GRIN2D: variants seen among roughly 807,000 people sequenced by gnomAD.
GRIN2D encodes glutamate ionotropic receptor NMDA type subunit 2D.
GRIN2D carries 37 observed loss-of-function variants against 103.2 expected under a neutral mutation model. The observed-to-expected ratio is 0.36, with a 90% CI of 0.28 to 0.47. GRIN2D has a LOEUF of 0.47. Ranked by LOEUF, GRIN2D falls within the 20% of genes least tolerant of loss-of-function variation. The pLI is 1.00. For synonymous variants in GRIN2D, 845 were observed against 885.6 expected, an observed-to-expected ratio of 0.95 and a Z score of 0.81; for missense variants, 1,557 against 1,910.6, an observed-to-expected ratio of 0.81 and a Z score of 3.45.
In GRIN2D at chr19:48,404,742, C is replaced by T. The variant is rs1433226931; in HGVS notation, c.474C>T (p.Gly158=). ...TCCTCCCTCCCTGGCAGGAGAAGGG[C>T]TCCACCTTCCTGCAGCTGGGCTCTT... ...AALVLTPKEK[G]STFLQLGSST... is the part of the protein sequence containing the mutation. The change falls in exon 4 of 14, where the codon GGC becomes GGT. Residue 158 remains glycine (G), a synonymous_variant. Transcript: ENST00000263269. The T allele has an allele frequency of 1.1e-5, 18 of 1,600,560 alleles. No homozygotes were observed. The highest frequency in any genetic ancestry group is 1.5e-5 in the Non-Finnish European group (18 of 1,172,046).
intron 11 of GRIN2D, among the ~76,000 whole-genome samples, chr19:48,427,569 T>C (rs551214037): frequency 4.5e-5 from 6 of 132,632 alleles, no homozygotes; most frequent in Non-Finnish European, 9.4e-5. Flanking sequence ...AACCTCCGCC[T>C]CCTGGGTTCA....
At chr19:48,422,752 G>C (rs894650137) in intron 11 of GRIN2D, among the ~76,000 whole-genome samples, 1 of 152,130 alleles carries the variant, frequency 6.6e-6, no homozygotes. Context: ...TGCTTAGATT[G>C]TGTTTCTTAT....
chr19:48,404,593 G>C, intron 3 of GRIN2D, 141 bp from the exon 4 acceptor site: 1 of 752,792 alleles, frequency 1.3e-6, no homozygotes, highest in South Asian at 1.8e-5. Context: ...ATCTAGCCCT[G>C]TGCCCCAGGA....
chr19:48,418,011 C>CTG (rs1242301218), intron 8 of GRIN2D, among the ~76,000 whole-genome samples: 2 of 150,306 alleles, frequency 1.3e-5, no homozygotes, highest in Non-Finnish European at 3.0e-5. Flanking sequence ...GAGGGTGTCG[C>CTG]TGATTCAGGC....
Position 48,421,653 on chromosome 19 carries a change from C to A in GRIN2D, c.2092-132C>A, listed in dbSNP as rs138030001. ...GAAAAGCATTCCCTAATGTAGTGAG[C>A]GAGTGTTGAGAAATATTGAACACTC... is the stretch of plus-strand genomic sequence containing the variant. On this transcript the variant is annotated intron_variant, in intron 10 of 13. Coordinates refer to ENST00000263269, the MANE Select transcript of GRIN2D (RefSeq NM_000836.4). The surrounding 1 kb of genome is among the most constrained non-coding windows in gnomAD (Gnocchi z 4.8). 0.015 allele frequency: 10,324 copies of A among 698,904 alleles called. 97 individuals are homozygous for A. Among genetic ancestry groups the A allele is most frequent in the Middle Eastern group, 0.026 (76 of 2,902 alleles). The allele number at this position is 698,904 out of a possible 1,614,324, so 43.3% of individuals were successfully genotyped here.
Position 48,421,951 on chromosome 19 carries a change from C to T in GRIN2D, c.2252+6C>T, listed in dbSNP as rs748414778. 2.9e-5 allele frequency: 46 copies of T among 1,612,910 alleles called. No individual in the cohort carries two copies. In the South Asian group the frequency reaches 4.6e-4, roughly 16 times the overall value. ...CTCACTCAGCTCAAGGCAGGGTCAG[C>T]GCAGACTCGGGCCGGGGGTGGGGGT... On this transcript the variant is annotated splice_donor_region_variant and intron_variant, in intron 11 of 13. Coordinates refer to ENST00000263269, the MANE Select transcript of GRIN2D (RefSeq NM_000836.4). The surrounding 1 kb of genome is among the most constrained non-coding windows in gnomAD (Gnocchi z 4.8).
At chr19:48,403,555 A>T (rs1336769872) in intron 3 of GRIN2D, among the ~76,000 whole-genome samples, 2 of 152,294 alleles carry the variant, frequency 1.3e-5, no homozygotes, top group East Asian at 3.9e-4. Context: ...ATTTAAACTC[A>T]TGGGCCTGGT....
intron 3 of GRIN2D, among the ~76,000 whole-genome samples, chr19:48,399,475 A>G (rs1196461968): frequency 2.0e-5 from 3 of 152,160 alleles, no homozygotes; most frequent in Non-Finnish European, 1.5e-5. Flanking sequence ...GGGTGAGGCA[A>G]GAGAATTGCT....
Position 48,433,580 on chromosome 19 carries a change from A to G in GRIN2D, c.2253-8189A>G, listed in dbSNP as rs80257331. On this transcript the variant is annotated intron_variant, in intron 11 of 13. Coordinates refer to ENST00000263269, the MANE Select transcript of GRIN2D (RefSeq NM_000836.4). ...CGGCAAGTAACCCCACAGGGGGAGA[A>G]AGGAAATGCACGTCCTAAAAAGAAA... Among the ~76,000 whole-genome samples, 680 of 152,272 alleles carry G rather than the reference A, an allele frequency of 4.5e-3. 8 individuals carry two copies. Among genetic ancestry groups the G allele is most frequent in the African/African-American group, 0.015 (627 of 41,560 alleles).
At chr19:48,408,060 C>T (rs933619322) in intron 4 of GRIN2D, among the ~76,000 whole-genome samples, 4 of 151,974 alleles carry the variant, frequency 2.6e-5, no homozygotes, top group Non-Finnish European at 5.9e-5. Flanking sequence ...GTTGGCCGGG[C>T]GTGGTGGCTC....
intron 7 of GRIN2D, 38 bp from the exon 8 acceptor site, chr19:48,415,964 C>T: frequency 6.3e-7 from 1 of 1,587,580 alleles, no homozygotes; most frequent in African/African-American, 1.3e-5. Flanking sequence ...CCGCTTGAGC[C>T]GGGTTCCCCC....
rs1266140675 is a variant in GRIN2D, at chr19:48,414,108, G to A, written c.1200+3G>A. ...CCAGAGACAGGACGTGGGAGGTGGT[G>A]AGTCGTAGCCCCAGACCTCAGGCAT... On this transcript the variant is annotated splice_donor_region_variant and intron_variant, in intron 5 of 13. Transcript: ENST00000263269. This position sits in a 1 kb window ranked among gnomAD's most constrained non-coding sequence, Gnocchi z 4.6. 2 of 1,546,086 alleles carry A rather than the reference G, an allele frequency of 1.3e-6. No homozygotes were observed. Among genetic ancestry groups the A allele is most frequent in the Admixed American group, 3.3e-5 (2 of 59,834 alleles).
At chr19:48,424,538 G>A (rs1192760338) in intron 11 of GRIN2D, among the ~76,000 whole-genome samples, 1 of 151,972 alleles carries the variant, frequency 6.6e-6, no homozygotes, top group African/African-American at 2.4e-5. Context: ...CCAAAGTGCT[G>A]GGATTACAGG....
rs1555891762 is a variant in GRIN2D at position 48,402,124 on chromosome 19, G to GAAAGAAAC, written c.466-2603_466-2602insCAAAGAAA. Among the ~76,000 whole-genome samples, 161 of 56,434 alleles carry GAAAGAAAC rather than the reference G, an allele frequency of 2.9e-3. 1 individual carries two copies. The highest frequency in any genetic ancestry group is 4.2e-3 in the Non-Finnish European group (126 of 29,948). 37.0% of individuals were successfully genotyped at this position (56,434 alleles called of 152,430 possible). A position where few individuals can be genotyped will look rare whatever the true frequency, so the allele number is the denominator to read the frequency against. The stretch of plus-strand genomic sequence containing the variant: ...AAAGAGAGAAAGAGAAGGAAAGAAA[G>GAAAGAAAC]AAAGAAAGAAAGAAAGAAAGAAAGA... On this transcript the variant is annotated intron_variant, in intron 3 of 13. Transcript: ENST00000263269.
rs1569075153 is a variant in GRIN2D, at chr19:48,443,157, C to G, written c.3231C>G (p.Gly1077=). 1 of 990,294 alleles carries G rather than the reference C, an allele frequency of 1.0e-6. No homozygotes were observed. The highest frequency in any genetic ancestry group is 1.2e-6 in the Non-Finnish European group (1 of 833,020). The allele number at this position is 990,294 out of a possible 1,614,324, so 61.3% of individuals were successfully genotyped here. Reference sequence around the variant, plus strand: ...AACCCCTGCTGGGGCCAGGCGCGGGCGGCGCGGGGGGCACGGGGGGCGCAG... The same window carrying G: ...AACCCCTGCTGGGGCCAGGCGCGGGGGGCGCGGGGGGCACGGGGGGCGCAG... The part of the protein sequence containing the change: ...ESQPLLGPGA[G]GAGGTGGAGG... The change falls in exon 14 of 14, where the codon GGC becomes GGG. Residue 1077 remains glycine, a synonymous_variant. Coordinates refer to ENST00000263269, the MANE Select transcript of GRIN2D (RefSeq NM_000836.4). The surrounding 1 kb of genome is among the most constrained non-coding windows in gnomAD (Gnocchi z 8.9).
At position 48,424,395 on chromosome 19, in the gene GRIN2D, C is replaced by T. The variant is rs1050395078; in HGVS notation, c.2252+2450C>T. On this transcript the variant is annotated intron_variant, in intron 11 of 13. Transcript: ENST00000263269. ...ACGCCATTCTCCTGCCTCAGCCTCC[C>T]GAGTAGCTGGGACTACAGGCGCCCA... Among the ~76,000 whole-genome samples the T allele has an allele frequency of 3.8e-4, 57 of 150,564 alleles. 1 individual carries two copies. Among genetic ancestry groups the T allele is most frequent in the Admixed American group, 3.3e-3 (50 of 15,128 alleles).
intron 4 of GRIN2D, among the ~76,000 whole-genome samples, chr19:48,411,802 GA>G (rs892526365): frequency 0.016 from 2,361 of 144,542 alleles, 20 homozygotes; most frequent in African/African-American, 0.033. Flanking sequence ...TGTTGATAGA[GA>G]AAAAAAAAAA....
chr19:48,436,905 G>A (rs1238940137), intron 11 of GRIN2D, among the ~76,000 whole-genome samples: 1 of 152,116 alleles, frequency 6.6e-6, no homozygotes, highest in African/African-American at 2.4e-5. Context: ...GTGGCACAGG[G>A]CCTCTAAACT....
At position 48,443,296 on chromosome 19, in the gene GRIN2D, G is replaced by A. The variant is rs773007600; in HGVS notation, c.3370G>A (p.Ala1124Thr). 1.9e-6 allele frequency: 3 copies of A among 1,540,596 alleles called. No homozygotes were observed. The highest frequency in any genetic ancestry group is 2.6e-6 in the Non-Finnish European group (3 of 1,153,308). The change falls in exon 14 of 14, where the codon GCG becomes ACG. Residue 1124 changes from alanine (A) to threonine (T), a missense_variant. This residue lies in a region of GRIN2D where 632 missense variants were observed against 572.8 expected (regional missense o/e 1.10). Transcript: ENST00000263269. This position sits in a 1 kb window ranked among gnomAD's most constrained non-coding sequence, Gnocchi z 8.9. Reference sequence around the variant, plus strand: ...GGAGGACTCGGAGAGCCTGGGCGGCGCGTCGCTGGGCGGCCTGGAGCCCTG... The same window carrying A: ...GGAGGACTCGGAGAGCCTGGGCGGCACGTCGCTGGGCGGCCTGGAGCCCTG... Reference protein sequence around the residue: ...DSEDSESLGGASLGGLEPWWF... With the variant: ...DSEDSESLGGTSLGGLEPWWF...
Sources: allele counts gnomAD v4.1 joint callset (sites outside exome capture counted in the v4.1 genomes callset), GRCh38; gene constraint gnomAD v4.1.1; regional missense constraint gnomAD v4.1.1; non-coding constraint Gnocchi (gnomAD v3.1); transcripts MANE v1.5; gene names NCBI Gene and HGNC (gene_info 2026-07-23, HGNC 2026-07-21).